DNM1: variants seen among roughly 807,000 people sequenced by gnomAD.
DNM1 encodes the protein dynamin 1, also known as dynamin-1.
DNM1 carries 29 observed loss-of-function variants against 104.6 expected under a neutral mutation model. The ratio of observed to expected loss-of-function variants is 0.28; its 90% CI spans 0.21 to 0.38. The LOEUF (loss-of-function observed/expected upper bound fraction) is 0.38. Among genes scored for constraint, DNM1 ranks in the 10% least tolerant of loss-of-function variants. The pLI is 1.00. For synonymous variants in DNM1, 445 were observed against 475.8 expected (o/e 0.94, Z 0.84); for missense variants, 640 against 1,189.4 (o/e 0.54, Z 6.79).
intron 19 of DNM1, among the ~76,000 whole-genome samples, chr9:128,249,667 A>G (rs1247583717): frequency 2.0e-5 from 3 of 151,676 alleles, no homozygotes; most frequent in African/African-American, 7.3e-5. Flanking sequence ...AAAAAAAAAA[A>G]AAAGAATAGC....
chr9:128,224,514 G>A lies in DNM1; in HGVS notation c.1335+125G>A. 1.1e-6 allele frequency: 1 copy of A among 900,984 alleles called. No individual in the cohort carries two copies. Among genetic ancestry groups the A allele is most frequent in the South Asian group, 2.2e-5 (1 of 46,352 alleles). 55.8% of individuals were successfully genotyped at this position (900,984 alleles called of 1,614,324 possible). On this transcript the variant is annotated intron_variant, in intron 10 of 21. Coordinates refer to ENST00000372923, the MANE Select transcript of DNM1 (RefSeq NM_004408.4). The surrounding 1 kb of genome is among the most constrained non-coding windows in gnomAD (Gnocchi z 4.3). ...TGTACAGACCTCAGCGGGGTGGGGA[G>A]GCAGGCCACCACTGAATAGGAGACA...
chr9:128,227,615 C>T (rs942567566), intron 10 of DNM1, among the ~76,000 whole-genome samples: 1 of 152,022 alleles, frequency 6.6e-6, no homozygotes, highest in African/African-American at 2.4e-5. Flanking sequence ...CTCCTGACCT[C>T]AGGTGATCTG....
intron 19 of DNM1, 35 bp from the exon 20 acceptor site, chr9:128,250,080 G>A: frequency 4.3e-6 from 7 of 1,613,718 alleles, no homozygotes; most frequent in Non-Finnish European, 5.9e-6. Flanking sequence ...ACAGGCATCA[G>A]GTCCCCACCT....
intron 1 of DNM1, among the ~76,000 whole-genome samples, chr9:128,214,157 ACT>A (rs1390730441): frequency 1.3e-5 from 2 of 151,070 alleles, no homozygotes; most frequent in African/African-American, 2.4e-5. Flanking sequence ...CCACCGTCCA[ACT>A]CTCTCCCCGC....
At chr9:128,249,977 T>G in intron 19 of DNM1, 138 bp from the exon 20 acceptor site, 2 of 1,278,850 alleles carry the variant, frequency 1.6e-6, no homozygotes, top group Non-Finnish European at 2.2e-6. Flanking sequence ...GGTGGGGAGG[T>G]GAATCTTCCA....
chr9:128,224,413 C>T lies in DNM1; in HGVS notation c.1335+24C>T, dbSNP rs1046304597. 2 of 1,600,752 alleles carry T rather than the reference C, an allele frequency of 1.2e-6. No individual in the cohort carries two copies. The highest frequency in any genetic ancestry group is 2.7e-5 in the African/African-American group (2 of 74,718). ...AGGTAACCCGGAGGCCCGGGCCAGC[C>T]CCCACCGCCTCTGCCCCGCCCTGCA... On this transcript the variant is annotated intron_variant, in intron 10 of 21. Coordinates refer to ENST00000372923, the MANE Select transcript of DNM1 (RefSeq NM_004408.4). The surrounding 1 kb of genome is among the most constrained non-coding windows in gnomAD (Gnocchi z 4.3).
Position 128,253,260 on chromosome 9 carries a change from A to G in DNM1, c.2535-1394A>G, listed in dbSNP as rs925668971. The G allele has an allele frequency of 1.4e-5, 12 of 887,172 alleles. No homozygotes were observed. The highest frequency in any genetic ancestry group is 1.8e-5 in the Non-Finnish European group (10 of 564,042). 55.0% of individuals were successfully genotyped at this position (887,172 alleles called of 1,614,324 possible). On this transcript the variant is annotated intron_variant, in intron 21 of 21. Transcript: ENST00000372923. The surrounding 1 kb of genome is among the most constrained non-coding windows in gnomAD (Gnocchi z 5.9). Reference sequence around the variant, plus strand: ...CCCCGCCCCTCCCTTCTGCAGCTGCAGACTTGCTCTTTCCTCTTTCTGTCC... The same window carrying G: ...CCCCGCCCCTCCCTTCTGCAGCTGCGGACTTGCTCTTTCCTCTTTCTGTCC...
At chr9:128,212,764 A>G (rs571016768) in intron 1 of DNM1, among the ~76,000 whole-genome samples, 1 of 152,336 alleles carries the variant, frequency 6.6e-6, no homozygotes, top group Non-Finnish European at 1.5e-5. Context: ...TTTCTTAAAC[A>G]GCTTTACTGA....
In DNM1 at chr9:128,247,276, G is replaced by T. The variant is rs1564351927; in HGVS notation, c.1782-99G>T. 4.2e-6 allele frequency: 3 copies of T among 709,046 alleles called. No homozygotes were observed. The Admixed American group carries it at 6.6e-5, about 16-fold the overall frequency. The allele number at this position is 709,046 out of a possible 1,614,324, so 43.9% of individuals were successfully genotyped here. ...GGGTCACACAGCTGGGAAATGAGCT[G>T]GCCTCAGGCATGTTGACCCCAAAGT... is the stretch of plus-strand genomic sequence containing the variant. On this transcript the variant is annotated intron_variant, in intron 16 of 21. Coordinates refer to ENST00000372923, the MANE Select transcript of DNM1 (RefSeq NM_004408.4). The surrounding 1 kb of genome is among the most constrained non-coding windows in gnomAD (Gnocchi z 5.1).
intron 10 of DNM1, among the ~76,000 whole-genome samples, chr9:128,230,017 A>G (rs1426010257): frequency 6.6e-6 from 1 of 152,068 alleles, no homozygotes; most frequent in Non-Finnish European, 1.5e-5. Flanking sequence ...CAGGAGTTCA[A>G]GACCAGCCTG....
At position 128,250,791 on chromosome 9, in the gene DNM1, G is replaced by A; in HGVS notation, c.2385G>A (p.Ser795=). ...APAVPPARPG[S]RGPAPGPPPA... is the part of the protein sequence containing the mutation. ...CCGTGCCCCCAGCCCGGCCCGGGTC[G>A]CGGGGCCCTGCTCCTGGGCCTCCGC... The change falls in exon 21 of 22, where the codon TCG becomes TCA. Residue 795 remains serine, a synonymous_variant. Transcript: ENST00000372923. 1 of 1,366,138 alleles carries A rather than the reference G, an allele frequency of 7.3e-7. No homozygotes were observed. The highest frequency in any genetic ancestry group is 9.4e-7 in the Non-Finnish European group (1 of 1,069,300). The allele number at this position is 1,366,138 out of a possible 1,614,324, so 84.6% of individuals were successfully genotyped here.
chr9:128,221,486 G>A (rs956517269), intron 6 of DNM1, among the ~76,000 whole-genome samples: 1 of 152,178 alleles, frequency 6.6e-6, no homozygotes, highest in African/African-American at 2.4e-5. Context: ...GATACTGTGT[G>A]GGGGCACCTA....
At chr9:128,237,155 G>A (rs1305320323) in intron 11 of DNM1, among the ~76,000 whole-genome samples, 1 of 152,208 alleles carries the variant, frequency 6.6e-6, no homozygotes, top group Non-Finnish European at 1.5e-5. Flanking sequence ...GAACCTGGAA[G>A]TCTTTGTCCC....
At chr9:128,204,587 AC>A in intron 1 of DNM1, among the ~76,000 whole-genome samples, 1 of 152,154 alleles carries the variant, frequency 6.6e-6, no homozygotes, top group East Asian at 1.9e-4. Flanking sequence ...CTCCCCACAA[AC>A]CCCCAAAGGG....
chr9:128,254,063 C>G lies in DNM1; in HGVS notation c.2535-591C>G. 3 of 1,237,646 alleles carry G rather than the reference C, an allele frequency of 2.4e-6. No individual in the cohort carries two copies. The highest frequency in any genetic ancestry group is 3.0e-6 in the Non-Finnish European group (3 of 992,136). The allele number at this position is 1,237,646 out of a possible 1,614,324, so 76.7% of individuals were successfully genotyped here. ...CAGCCCCCCGACCAGCTGAGGCTCC[C>G]CTCTTAGACTTATAAGTCTATGGCC... is the stretch of plus-strand genomic sequence containing the variant. On this transcript the variant is annotated intron_variant, in intron 21 of 21. Transcript: ENST00000372923. The surrounding 1 kb of genome is among the most constrained non-coding windows in gnomAD (Gnocchi z 6.1).
intron 11 of DNM1, 27 bp downstream of exon 11, chr9:128,234,134 CGCGCCTTCCTTCCACTCCTGGCCGCCT>C: frequency 1.3e-6 from 2 of 1,499,942 alleles, no homozygotes; most frequent in South Asian, 2.6e-5. Context: ...CCGGCCTGGC[CGCGCCTTCCTTCCACTCCTGGCCGCCT>C]GCGCCTTCCA....
At chr9:128,234,383 GAC>G (rs904542679) in intron 11 of DNM1, among the ~76,000 whole-genome samples, 14 of 152,226 alleles carry the variant, frequency 9.2e-5, no homozygotes, top group Non-Finnish European at 4.4e-5. Context: ...GTTTTTTTGA[GAC>G]AGAGTCTTGC....
chr9:128,221,703 C>T (rs1164766372), intron 6 of DNM1, among the ~76,000 whole-genome samples: 1 of 152,086 alleles, frequency 6.6e-6, no homozygotes, highest in Non-Finnish European at 1.5e-5. Flanking sequence ...CGACACCAGC[C>T]TGGCCAACAA....
In DNM1 at chr9:128,254,558, G is replaced by A. The variant is rs779095948; in HGVS notation, c.2535-96G>A. 316 of 1,547,278 alleles carry A rather than the reference G, an allele frequency of 2.0e-4. 1 individual carries two copies. Among genetic ancestry groups the A allele is most frequent in the Non-Finnish European group, 2.5e-4 (290 of 1,150,644 alleles). On this transcript the variant is annotated intron_variant, in intron 21 of 21. Coordinates refer to ENST00000372923, the MANE Select transcript of DNM1 (RefSeq NM_004408.4). This position sits in a 1 kb window ranked among gnomAD's most constrained non-coding sequence, Gnocchi z 6.1. ...TCCCCGGCCCTCCCACCACTGCTGC[G>A]GCGCGGCCGGCCCCGGCCGTGTGCT...
Sources: gnomAD v4.1 joint callset for allele counts (sites outside exome capture counted in the v4.1 genomes callset) on GRCh38, gnomAD v4.1.1 for gene constraint, Gnocchi (gnomAD v3.1) non-coding constraint, MANE v1.5 for transcripts, NCBI Gene and HGNC (gene_info 2026-07-23, HGNC 2026-07-21) for gene names.